Variants in CNST observed in about 807,000 individuals in gnomAD.
The protein encoded by CNST is consortin, connexin sorting protein, also known as consortin.
In CNST, 39 loss-of-function variants were observed where a neutral mutation model predicts 72.4. The ratio of observed to expected loss-of-function variants is 0.54; its 90% CI spans 0.42 to 0.70. The LOEUF is 0.70. Ranked by LOEUF, CNST falls within the 30% of genes least tolerant of loss-of-function variation. The pLI is 0.00. For synonymous variants in CNST, 332 were observed against 320.1 expected (o/e 1.04, Z -0.40); for missense variants, 871 against 868.5 (o/e 1.00, Z -0.04).
chr1:246,637,057 G>C (rs948266159), intron 6 of CNST, among the ~76,000 whole-genome samples: 1 of 152,208 alleles, frequency 6.6e-6, no homozygotes, highest in Admixed American at 6.5e-5. Flanking sequence ...TCTGGAAGCA[G>C]GTGTTTAGTC....
intron 2 of CNST, among the ~76,000 whole-genome samples, chr1:246,602,468 C>T (rs753015753): frequency 5.9e-5 from 9 of 152,178 alleles, no homozygotes; most frequent in South Asian, 2.1e-4. Flanking sequence ...TTCAGACCCT[C>T]GCCACATGGC....
chr1:246,660,594 A>G (rs1168354267), intron 10 of CNST, among the ~76,000 whole-genome samples: 1 of 152,108 alleles, frequency 6.6e-6, no homozygotes, highest in Non-Finnish European at 1.5e-5. Flanking sequence ...GTGTGGGGGT[A>G]CGCGCCTGTA....
intron 1 of CNST, among the ~76,000 whole-genome samples, chr1:246,586,391 T>C (rs1177323703): frequency 6.8e-6 from 1 of 147,802 alleles, no homozygotes; most frequent in Non-Finnish European, 1.5e-5. Flanking sequence ...ATCAAAGATA[T>C]ATCAAATATA....
intron 5 of CNST, 174 bp downstream of exon 5, chr1:246,634,184 A>C: frequency 1.8e-6 from 1 of 569,144 alleles, no homozygotes; most frequent in Non-Finnish European, 3.1e-6. Context: ...TTGTGAGAAG[A>C]CTTTTTTCTT....
At chr1:246,655,892 G>A (rs769998262) in intron 9 of CNST, among the ~76,000 whole-genome samples, 94 of 152,030 alleles carry the variant, frequency 6.2e-4, no homozygotes, top group Non-Finnish European at 1.1e-3. Context: ...TGTAAATATC[G>A]TTACATAAAA....
chr1:246,601,762 C>T (rs1243727976), intron 2 of CNST, among the ~76,000 whole-genome samples: 1 of 152,142 alleles, frequency 6.6e-6, no homozygotes, highest in Non-Finnish European at 1.5e-5. Flanking sequence ...CCATTGCATT[C>T]TAGCCTGGGC....
intron 3 of CNST, among the ~76,000 whole-genome samples, chr1:246,624,677 G>A (rs12131302): frequency 0.043 from 6,563 of 152,282 alleles, 194 homozygotes; most frequent in Middle Eastern, 0.088. Flanking sequence ...AGGGAGGGAT[G>A]GAGATATATT....
At chr1:246,590,992 C>A (rs984514697) in intron 1 of CNST, among the ~76,000 whole-genome samples, 1 of 151,592 alleles carries the variant, frequency 6.6e-6, no homozygotes, top group Non-Finnish European at 1.5e-5. Context: ...CCCTCACATA[C>A]TTTTTTCTAG....
At chr1:246,579,393 G>T (rs542891126) in intron 1 of CNST, among the ~76,000 whole-genome samples, 1 of 152,322 alleles carries the variant, frequency 6.6e-6, no homozygotes, top group East Asian at 1.9e-4. Flanking sequence ...AAGGAGCAAT[G>T]CTGTTTCAGT....
rs775061530 is a variant in CNST, at chr1:246,647,373, A to C, written c.1172A>C (p.Glu391Ala). The C allele has an allele frequency of 1.9e-6, 3 of 1,613,918 alleles. No individual in the cohort carries two copies. In the Admixed American group the frequency reaches 5.0e-5, roughly 27 times the overall value. ...AGCCCGTCTGGGCCAGACTCTTCTG[A>C]GGATGCTTGTGAGGATGACAGTCGC... is the stretch of plus-strand genomic sequence containing the variant. ...AGSPSGPDSSEDACEDDSRLQ... is the reference protein window; with the variant it reads ...AGSPSGPDSSADACEDDSRLQ... The change falls in exon 9 of 11, where the codon GAG (glutamate) becomes GCG (alanine). Residue 391 changes from glutamate (E) to alanine (A), a missense_variant. Glu to Ala is a moderately radical substitution (Grantham distance 107). Transcript: ENST00000366513.
intron 1 of CNST, among the ~76,000 whole-genome samples, chr1:246,587,390 A>G (rs991704627): frequency 6.6e-6 from 1 of 152,230 alleles, no homozygotes; most frequent in Admixed American, 6.5e-5. Context: ...GTATAGTTTT[A>G]TGTGTCTATT....
At chr1:246,594,700 C>T (rs1243533815) in intron 2 of CNST, among the ~76,000 whole-genome samples, 2 of 152,104 alleles carry the variant, frequency 1.3e-5, no homozygotes, top group East Asian at 1.9e-4. Context: ...GCCTGGGAGG[C>T]GGAGGTTGCA....
At chr1:246,576,501 T>C (rs1285983595) in intron 1 of CNST, among the ~76,000 whole-genome samples, 3 of 146,444 alleles carry the variant, frequency 2.0e-5, no homozygotes, top group Admixed American at 1.4e-4. Flanking sequence ...TTTACATCCT[T>C]TTTTTTTTTT....
chr1:246,610,894 CT>C (rs1478110612), intron 2 of CNST, among the ~76,000 whole-genome samples: 11 of 152,152 alleles, frequency 7.2e-5, no homozygotes, highest in Non-Finnish European at 2.9e-5. Flanking sequence ...GCTTTTCCCC[CT>C]GGCTTTAGAT....
intron 1 of CNST, among the ~76,000 whole-genome samples, chr1:246,574,622 T>G (rs961245057): frequency 6.6e-6 from 1 of 152,072 alleles, no homozygotes; most frequent in Non-Finnish European, 1.5e-5. Flanking sequence ...GGCCTCCCTG[T>G]GTTGCCCCAG....
intron 8 of CNST, among the ~76,000 whole-genome samples, chr1:246,645,496 C>T (rs1278785290): frequency 1.4e-5 from 2 of 142,824 alleles, no homozygotes; most frequent in Non-Finnish European, 3.0e-5. Flanking sequence ...GGCGCAATCT[C>T]GGCTCACAGC....
chr1:246,605,319 T>A (rs548323550), intron 2 of CNST, among the ~76,000 whole-genome samples: 1 of 152,228 alleles, frequency 6.6e-6, no homozygotes, highest in African/African-American at 2.4e-5. Context: ...CTCACACTTA[T>A]AATCCCAGCA....
intron 1 of CNST, among the ~76,000 whole-genome samples, chr1:246,576,741 C>G (rs1335165179): frequency 6.6e-6 from 1 of 151,824 alleles, no homozygotes; most frequent in African/African-American, 2.4e-5. Context: ...TGATCCACCC[C>G]CCTCAGCCTT....
chr1:246,656,129 A>G (rs1442476091), intron 9 of CNST, among the ~76,000 whole-genome samples: 1 of 152,238 alleles, frequency 6.6e-6, no homozygotes, highest in Admixed American at 6.5e-5. Context: ...CTTGTTCAGA[A>G]TTGACCAACC....
Sources: allele counts gnomAD v4.1 joint callset (sites outside exome capture counted in the v4.1 genomes callset), GRCh38; gene constraint gnomAD v4.1.1; transcripts MANE v1.5; gene names NCBI Gene and HGNC (gene_info 2026-07-23, HGNC 2026-07-21).